The following NCOA6 variants were observed in gnomAD, a reference collection of about 807,000 sequenced individuals.
The protein encoded by NCOA6 is NRC RAP250.
Under a neutral mutation model 171.4 loss-of-function variants are expected in NCOA6, and 49 were observed. The ratio of observed to expected loss-of-function variants is 0.29; its 90% confidence interval spans 0.23 to 0.36. The LOEUF (loss-of-function observed/expected upper bound fraction) is 0.36, where lower values mean the gene tolerates loss of function less well. NCOA6 is among the 10% of genes least tolerant of loss of function. The pLI is 1.00. For missense variants in NCOA6, 2,248 were observed against 2,554.5 expected, an observed-to-expected ratio of 0.88 and a Z score of 2.59; for synonymous variants, 910 against 927.5, an observed-to-expected ratio of 0.98 and a Z score of 0.34.
chr20:34,776,611 C>A, intron 3 of NCOA6, 163 bp from the exon 4 acceptor site: 4 of 824,214 alleles, frequency 4.9e-6, no homozygotes, highest in Non-Finnish European at 6.0e-6. Flanking sequence ...CTAATCCTAG[C>A]TTTGCCACTT....
chr20:34,776,369 C>CA lies in NCOA6; in HGVS notation c.314_315insT (p.Glu106GlyfsTer25). 1 of 1,614,154 alleles carries CA rather than the reference C, an allele frequency of 6.2e-7. No homozygotes were observed. The highest frequency in any genetic ancestry group is 2.2e-5 in the East Asian group (1 of 44,894). The stretch of plus-strand genomic sequence containing the variant: ...TCTGAGCAAGGATCCGTAGCCGCTC[C>CA]GCTGCTTCCCGGGGGATGTTGAATG... On this transcript the variant is annotated frameshift_variant, in exon 4 of 15. Coordinates refer to ENST00000359003, the MANE Select transcript of NCOA6 (RefSeq NM_014071.5). LOFTEE classifies it high-confidence loss of function.
At chr20:34,736,857 G>T in intron 11 of NCOA6, 99 bp from the exon 12 acceptor site, 2 of 1,057,030 alleles carry the variant, frequency 1.9e-6, no homozygotes, top group Non-Finnish European at 1.3e-6. Flanking sequence ...CTGAAACAAT[G>T]TACTCTTAGA....
intron 4 of NCOA6, among the ~76,000 whole-genome samples, chr20:34,774,119 C>T (rs779569051): frequency 2.6e-5 from 4 of 152,176 alleles, no homozygotes; most frequent in Non-Finnish European, 5.9e-5. Context: ...GGAAGTAGGT[C>T]TGCTTAAGAA....
At chr20:34,784,963 C>T (rs1050639558) in intron 2 of NCOA6, among the ~76,000 whole-genome samples, 1 of 152,004 alleles carries the variant, frequency 6.6e-6, no homozygotes, top group African/African-American at 2.4e-5. Context: ...CGCCTATAAT[C>T]CCAGCTACTT....
In NCOA6 at chr20:34,750,497, A is replaced by G. The variant is rs770177072; in HGVS notation, c.1698T>C (p.Pro566=). Residue 566 remains proline, a synonymous_variant, in exon 9 of 15, where the codon CCT becomes CCC. Coordinates refer to ENST00000359003, the MANE Select transcript of NCOA6 (RefSeq NM_014071.5). ...CGTGGGACACCTGCATCTGGTTTTG[A>G]GGAGGACCAGCTCCTTGACCACCTT... ...QHAGGQGAGP[P]QNQMQVSHGP... The G allele has an allele frequency of 6.2e-7, 1 of 1,607,856 alleles. No individual in the cohort carries two copies.
intron 1 of NCOA6, among the ~76,000 whole-genome samples, chr20:34,792,776 ATT>A (rs35924752): frequency 0.014 from 1,570 of 112,312 alleles, 10 homozygotes; most frequent in East Asian, 0.027. Context: ...ATCTTTTCTG[ATT>A]TTTTTTTTTT....
At position 34,740,557 on chromosome 20, in the gene NCOA6, G is replaced by A. The variant is rs760390564; in HGVS notation, c.5699C>T (p.Ser1900Leu). ...ACCGCCAGGTAAGCTGGGTCCTGCT[G>A]AGGCAGTGCCCGGGCCCACAGGGCT... ...TSSPVGPGTA[S>L]AGPSLPGGAL... Residue 1900 changes from serine (S) to leucine (L), a missense_variant, in exon 11 of 15, where the codon TCA (serine) becomes TTA (leucine). Physicochemically the swap from Ser to Leu is moderately radical, Grantham distance 145 (BLOSUM62 -2). Transcript: ENST00000359003. 1.9e-6 allele frequency: 3 copies of A among 1,614,050 alleles called. No individual in the cohort carries two copies. The highest frequency in any genetic ancestry group is 1.7e-5 in the Admixed American group (1 of 60,000).
intron 12 of NCOA6, among the ~76,000 whole-genome samples, chr20:34,735,454 G>C (rs1369324097): frequency 6.6e-6 from 1 of 152,052 alleles, no homozygotes; most frequent in Non-Finnish European, 1.5e-5. Context: ...GACCATCCTG[G>C]CTAACATGGT....
chr20:34,761,273 G>A (rs1733441229), intron 5 of NCOA6, among the ~76,000 whole-genome samples: 1 of 152,086 alleles, frequency 6.6e-6, no homozygotes, highest in South Asian at 2.1e-4. Flanking sequence ...TTCAGTTGGT[G>A]TTCTTTCTTA....
chr20:34,727,785 G>A lies in NCOA6; in HGVS notation c.6000-378C>T, dbSNP rs900285155. Among the ~76,000 whole-genome samples, 3 of 149,380 alleles carry A rather than the reference G, an allele frequency of 2.0e-5. No individual in the cohort carries two copies. The East Asian group carries it at 5.9e-4, about 29-fold the overall frequency. ...GTCGCCCAGGCTGGAGTGCAGTGGC[G>A]CTGTCTCAGCTCACTGCGACCCCTG... On this transcript the variant is annotated intron_variant, in intron 13 of 14. Transcript: ENST00000359003.
At chr20:34,795,142 A>T (rs1054606085) in intron 1 of NCOA6, among the ~76,000 whole-genome samples, 3 of 152,178 alleles carry the variant, frequency 2.0e-5, no homozygotes, top group African/African-American at 7.2e-5. Flanking sequence ...TGCAACCCCA[A>T]ATGAAATAAA....
chr20:34,718,569 G>C (rs551281173), intron 14 of NCOA6, among the ~76,000 whole-genome samples: 2 of 151,082 alleles, frequency 1.3e-5, no homozygotes, highest in African/African-American at 4.9e-5. Context: ...GCAGTGGTGC[G>C]ATCTGAACTC....
intron 2 of NCOA6, among the ~76,000 whole-genome samples, chr20:34,789,286 C>T (rs1231828484): frequency 1.3e-5 from 2 of 152,140 alleles, no homozygotes; most frequent in South Asian, 4.1e-4. Flanking sequence ...ATCTTTCTTA[C>T]TCATCTAACA....
At chr20:34,801,730 T>C (rs1361781230) in intron 1 of NCOA6, among the ~76,000 whole-genome samples, 1 of 152,050 alleles carries the variant, frequency 6.6e-6, no homozygotes, top group Non-Finnish European at 1.5e-5. Context: ...CCAGGCATGG[T>C]GGCACGTGCC....
rs757776338 is a variant in NCOA6, at chr20:34,757,941, C to CTGTTGT, written c.801_806dup (p.Gln284_Gln285dup). 1 of 1,590,846 alleles carries CTGTTGT rather than the reference C, an allele frequency of 6.3e-7. No homozygotes were observed. The highest frequency in any genetic ancestry group is 8.6e-7 in the Non-Finnish European group (1 of 1,161,666). ...GTTGCTGCTGCTGCTGCTGCTGCTGCTGTTGTTGTTGTTGCTGCTGCTGCT... is the reference window on the plus strand; with the variant it reads ...GTTGCTGCTGCTGCTGCTGCTGCTGCTGTTGTTGTTGTTGTTGTTGCTGCTGCTGCT... On this transcript the variant is annotated inframe_insertion, in exon 7 of 15. Coordinates refer to ENST00000359003, the MANE Select transcript of NCOA6 (RefSeq NM_014071.5).
At chr20:34,722,755 G>A (rs1989527276) in intron 14 of NCOA6, among the ~76,000 whole-genome samples, 1 of 151,650 alleles carries the variant, frequency 6.6e-6, no homozygotes, top group South Asian at 2.1e-4. Context: ...GGAGGCCGAG[G>A]CAAGTGAATC....
chr20:34,753,315 G>A (rs1414524968), intron 8 of NCOA6, among the ~76,000 whole-genome samples: 1 of 151,018 alleles, frequency 6.6e-6, no homozygotes, highest in African/African-American at 2.4e-5. Context: ...TCAAAGTGCT[G>A]GGATTACAGG....
chr20:34,806,093 G>T (rs992295024), intron 1 of NCOA6, among the ~76,000 whole-genome samples: 1 of 152,046 alleles, frequency 6.6e-6, no homozygotes, highest in Non-Finnish European at 1.5e-5. Flanking sequence ...CATCTTTTTG[G>T]TAATAGCCAC....
intron 5 of NCOA6, among the ~76,000 whole-genome samples, chr20:34,763,159 T>C (rs1334761807): frequency 6.6e-6 from 1 of 152,196 alleles, no homozygotes; most frequent in Non-Finnish European, 1.5e-5. Flanking sequence ...CTTTCATCCA[T>C]TCTGGAAAAA....
Sources: gnomAD v4.1 joint callset for allele counts (sites outside exome capture counted in the v4.1 genomes callset) on GRCh38, gnomAD v4.1.1 for gene constraint, MANE v1.5 for transcripts, NCBI Gene and HGNC (gene_info 2026-07-23, HGNC 2026-07-21) for gene names.